The following LRRIQ1 variants were observed in gnomAD, a reference collection of about 807,000 sequenced individuals.
The protein encoded by LRRIQ1 is leucine-rich repeat- and IQ domain-containing protein 1.
Under a neutral mutation model 211.9 loss-of-function variants are expected in LRRIQ1, and 210 were observed. The ratio of observed to expected loss-of-function variants is 0.99; its 90% CI spans 0.89 to 1.11. LRRIQ1 has a LOEUF of 1.11. LRRIQ1 is among the 50% of genes most tolerant of loss of function. LRRIQ1 has a pLI of 0.00. For synonymous variants in LRRIQ1, 699 were observed against 650.1 expected (o/e 1.08, Z -1.14); for missense variants, 2,136 against 1,939.5 (o/e 1.10, Z -1.90).
At chr12:85,250,473 C>T (rs1485951969) in intron 1 of LRRIQ1, among the ~76,000 whole-genome samples, 1 of 151,448 alleles carries the variant, frequency 6.6e-6, no homozygotes, top group East Asian at 2.0e-4. Context: ...GGTGCAATGG[C>T]TCATGTATAT....
At chr12:85,216,985 G>T (rs1192571506) in intron 24 of LRRIQ1, among the ~76,000 whole-genome samples, 1 of 151,808 alleles carries the variant, frequency 6.6e-6, no homozygotes, top group African/African-American at 2.4e-5. Context: ...TTTAGAACCA[G>T]GTTTATTACT....
chr12:85,244,898 C>T lies in LRRIQ1; in HGVS notation c.5126C>T (p.Ala1709Val), dbSNP rs1474932516. 1 of 1,611,288 alleles carries T rather than the reference C, an allele frequency of 6.2e-7. No homozygotes were observed. Among genetic ancestry groups the T allele is most frequent in the African/African-American group, 1.3e-5 (1 of 74,732 alleles). Residue 1709 changes from alanine to valine, a missense_variant, in exon 27 of 27, where the codon GCA becomes GTA. By Grantham distance (64) the Ala-to-Val change is moderately conservative. Coordinates refer to ENST00000393217, the MANE Select transcript of LRRIQ1 (RefSeq NM_001079910.2). The stretch of plus-strand genomic sequence containing the variant: ...AAAAATCAGGCACACAGACACTCAG[C>T]AGGATCTTCAAGTAAGTTGTGGTTT... ...EKKNQAHRHS[A>V]GSSSKLWFPS... is the part of the protein sequence containing the mutation.
Position 85,098,388 on chromosome 12 carries a change from T to A in LRRIQ1, c.2921T>A (p.Leu974Gln). ...GLESLKNLQQ[L>Q]ILDHNQLINT... The stretch of plus-strand genomic sequence containing the variant: ...GAATCTTTGAAAAATCTTCAACAAC[T>A]AATTTTGGACCACAATCAGTTAATT... The change falls in exon 12 of 27, where the codon CTA becomes CAA. Residue 974 changes from leucine (L) to glutamine (Q), a missense_variant. Transcript: ENST00000393217. 1 of 1,609,310 alleles carries A rather than the reference T, an allele frequency of 6.2e-7. No individual in the cohort carries two copies. Among genetic ancestry groups the A allele is most frequent in the Middle Eastern group, 1.7e-4 (1 of 5,972 alleles).
intron 24 of LRRIQ1, among the ~76,000 whole-genome samples, chr12:85,205,869 T>C (rs1433694186): frequency 6.6e-6 from 1 of 152,208 alleles, no homozygotes; most frequent in Admixed American, 6.5e-5. Flanking sequence ...TCAGAGTTTC[T>C]TTCCTCAGCT....
intron 24 of LRRIQ1, among the ~76,000 whole-genome samples, chr12:85,166,867 A>G (rs1235780532): frequency 6.6e-6 from 1 of 152,202 alleles, no homozygotes; most frequent in African/African-American, 2.4e-5. Flanking sequence ...AACAAACACT[A>G]TATTTTGAAT....
rs998300625 is a variant in LRRIQ1, at chr12:85,236,479, C to T, written c.5016+3723C>T. Among the ~76,000 whole-genome samples, 36 of 151,980 alleles carry T rather than the reference C, an allele frequency of 2.4e-4. 1 individual carries two copies. The highest frequency in any genetic ancestry group is 6.2e-4 in the South Asian group (3 of 4,810). ...GGGCAAGTGTATGTGAAGAGATGCT[C>T]GGTTTCCAGATGAGAGGAATGAAAA... On this transcript the variant is annotated intron_variant, in intron 26 of 26. Coordinates refer to ENST00000393217, the MANE Select transcript of LRRIQ1 (RefSeq NM_001079910.2).
exon 2 of LRRIQ1, chr12:85,262,934 A>T: frequency 1.0e-6 from 1 of 985,712 alleles, no homozygotes; most frequent in East Asian, 1.1e-4. Flanking sequence ...TTAAGGGAAT[A>T]CCAATATCGC....
In LRRIQ1 at chr12:85,250,947, T is replaced by A. The variant is rs867477766; in HGVS notation, c.121+6038T>A. On this transcript the variant is annotated intron_variant, in intron 1 of 1. Coordinates refer to the LRRIQ1 transcript ENST00000602731. ...ATATTATATATTATATATAATATAT[T>A]TTATATATTATATATTATATTATAT... Among the ~76,000 whole-genome samples the A allele has an allele frequency of 7.4e-5, 8 of 107,576 alleles. 1 individual carries two copies. The highest frequency in any genetic ancestry group is 1.2e-4 in the African/African-American group (3 of 24,234). 70.6% of individuals were successfully genotyped at this position (107,576 alleles called of 152,430 possible).
At chr12:85,228,348 T>A (rs1894770337) in intron 24 of LRRIQ1, among the ~76,000 whole-genome samples, 1 of 152,192 alleles carries the variant, frequency 6.6e-6, no homozygotes, top group South Asian at 2.1e-4. Flanking sequence ...AAATGGAGTC[T>A]GCTCATGGAT....
At chr12:85,192,451 G>C (rs1284219063) in intron 24 of LRRIQ1, among the ~76,000 whole-genome samples, 3 of 112,710 alleles carry the variant, frequency 2.7e-5, no homozygotes, top group Non-Finnish European at 5.2e-5. Context: ...AATGTATATA[G>C]TTATATAATA....
intron 13 of LRRIQ1, among the ~76,000 whole-genome samples, chr12:85,099,917 CTCAAATTACTTTAA>C (rs1384201203): frequency 2.0e-5 from 3 of 151,766 alleles, no homozygotes; most frequent in African/African-American, 7.2e-5. Context: ...AAAAAATCCC[CTCAAATTACTTTAA>C]TCCAATGTAA....
At chr12:85,184,489 T>C (rs1892138499) in intron 24 of LRRIQ1, among the ~76,000 whole-genome samples, 4 of 152,080 alleles carry the variant, frequency 2.6e-5, no homozygotes, top group Non-Finnish European at 2.9e-5. Flanking sequence ...ATGAGTGTAA[T>C]AATCTAAACT....
intron 7 of LRRIQ1, among the ~76,000 whole-genome samples, chr12:85,054,035 T>G (rs1880673111): frequency 6.6e-6 from 1 of 152,252 alleles, no homozygotes; most frequent in African/African-American, 2.4e-5. Context: ...TGCATATTTA[T>G]TTTTGCCTGT....
In LRRIQ1 at chr12:85,056,306, A is replaced by G. The variant is rs1478691989; in HGVS notation, c.1513A>G (p.Asn505Asp). 6.3e-7 allele frequency: 1 copy of G among 1,592,452 alleles called. No individual in the cohort carries two copies. ...ELVKQERKYE[N>D]TDNKTELGNS... ...GGTCAAGCAAGAAAGAAAATATGAA[A>G]ATACAGATAACAAAACTGAATTGGG... The change falls in exon 8 of 27, where the codon AAT becomes GAT. Residue 505 changes from asparagine to aspartate, a missense_variant. By Grantham distance (23) the Asn-to-Asp change is conservative (BLOSUM62 1). Transcript: ENST00000393217.
At chr12:85,210,862 TATAAAG>T (rs1211904049) in intron 24 of LRRIQ1, among the ~76,000 whole-genome samples, 1 of 152,214 alleles carries the variant, frequency 6.6e-6, no homozygotes, top group Non-Finnish European at 1.5e-5. Context: ...TGCTCAGCAC[TATAAAG>T]ATAATGTTTT....
chr12:85,198,084 T>G (rs1443353470), intron 24 of LRRIQ1, among the ~76,000 whole-genome samples: 4 of 106,234 alleles, frequency 3.8e-5, no homozygotes, highest in African/African-American at 1.6e-4. Context: ...ATATATAATT[T>G]ATTATATTAT....
chr12:85,182,838 T>C (rs981720369), intron 24 of LRRIQ1, among the ~76,000 whole-genome samples: 2 of 152,158 alleles, frequency 1.3e-5, no homozygotes, highest in Non-Finnish European at 2.9e-5. Flanking sequence ...AAATTCAACT[T>C]GATGCCTGAA....
intron 24 of LRRIQ1, among the ~76,000 whole-genome samples, chr12:85,215,868 T>C (rs1156611499): frequency 1.3e-5 from 2 of 152,082 alleles, no homozygotes; most frequent in Non-Finnish European, 2.9e-5. Flanking sequence ...GAAAACAAAA[T>C]AATACCTACA....
intron 6 of LRRIQ1, 147 bp downstream of exon 6, chr12:85,047,617 GTATTTAATA>G: frequency 4.7e-6 from 3 of 634,316 alleles, no homozygotes; most frequent in Non-Finnish European, 5.4e-6. Flanking sequence ...TGAATTAACA[GTATTTAATA>G]TGAGGTCCTT....
Sources: allele counts gnomAD v4.1 joint callset (sites outside exome capture counted in the v4.1 genomes callset), GRCh38; gene constraint gnomAD v4.1.1; transcripts MANE v1.5; gene names NCBI Gene and HGNC (gene_info 2026-07-23, HGNC 2026-07-21).